The following CAMSAP2 variants were observed in gnomAD, a reference collection of about 807,000 sequenced individuals.
CAMSAP2 encodes the protein calmodulin-regulated spectrin-associated protein 2.
CAMSAP2 carries 26 observed loss-of-function variants against 146.1 expected under a neutral mutation model. That is an observed-to-expected ratio of 0.18 (90% CI 0.13 to 0.25). The LOEUF (loss-of-function observed/expected upper bound fraction) is 0.25. CAMSAP2 is among the 10% of genes least tolerant of loss of function. The pLI, the probability that CAMSAP2 is intolerant of heterozygous loss-of-function variation, is 1.00. For synonymous variants in CAMSAP2, 499 were observed against 596.6 expected (o/e 0.84, Z 2.38); for missense variants, 1,381 against 1,759.3 (o/e 0.78, Z 3.85).
intron 6 of CAMSAP2, among the ~76,000 whole-genome samples, chr1:200,838,226 T>C (rs1667231530): frequency 6.6e-6 from 1 of 152,194 alleles, no homozygotes; most frequent in Non-Finnish European, 1.5e-5. Context: ...CCTTAAAATA[T>C]TAACTTATTT....
Position 200,815,656 on chromosome 1 carries a change from A to G in CAMSAP2, c.645+12A>G. On this transcript the variant is annotated intron_variant, in intron 4 of 16. Transcript: ENST00000358823. ...CAGGAGGTCAAAAGGTATTTATTTC[A>G]AAAACAAAAAGGTGCCTTTATGAGA... 6.7e-7 allele frequency: 1 copy of G among 1,488,250 alleles called. No homozygotes were observed. Among genetic ancestry groups the G allele is most frequent in the Non-Finnish European group, 9.1e-7 (1 of 1,100,618 alleles). 92.2% of individuals were successfully genotyped at this position (1,488,250 alleles called of 1,614,324 possible). A position where few individuals can be genotyped will look rare whatever the true frequency, so the allele number is the denominator to read the frequency against.
intron 11 of CAMSAP2, 53 bp from the exon 12 acceptor site, chr1:200,852,488 G>T (rs1222705722): frequency 1.3e-6 from 2 of 1,573,494 alleles, no homozygotes; most frequent in East Asian, 4.5e-5. Context: ...AATTGAAAAT[G>T]AGAATATTGG....
At chr1:200,800,646 G>A (rs905626360) in intron 2 of CAMSAP2, among the ~76,000 whole-genome samples, 4 of 152,046 alleles carry the variant, frequency 2.6e-5, no homozygotes, top group African/African-American at 4.8e-5. Flanking sequence ...TTTAACTGGG[G>A]CATTTAGCCC....
chr1:200,855,152 AAACATT>A (rs1281479372), intron 14 of CAMSAP2, among the ~76,000 whole-genome samples: 14 of 151,404 alleles, frequency 9.2e-5, no homozygotes, highest in Non-Finnish European at 1.9e-4. Context: ...ATAAGCTATG[AAACATT>A]AACAGTAATT....
intron 6 of CAMSAP2, among the ~76,000 whole-genome samples, chr1:200,833,140 T>G (rs1302701722): frequency 6.6e-6 from 1 of 152,220 alleles, no homozygotes; most frequent in Non-Finnish European, 1.5e-5. Context: ...AACTTTAAGC[T>G]TATAGATTAA....
At chr1:200,763,494 C>T (rs902741655) in intron 2 of CAMSAP2, among the ~76,000 whole-genome samples, 4 of 151,828 alleles carry the variant, frequency 2.6e-5, no homozygotes, top group Non-Finnish European at 4.4e-5. Flanking sequence ...AGCCGAGATT[C>T]CGCTACTGCA....
At position 200,848,358 on chromosome 1, in the gene CAMSAP2, T is replaced by C. The variant is rs762902322; in HGVS notation, c.1589T>C (p.Leu530Pro). ...PNGALQNRIL[L>P]DEFGNQIETP... ...GGAGCTTTACAAAATAGAATACTTC[T>C]TGACGAGTTTGGCAATCAGATCGAG... The change falls in exon 11 of 17, where the codon CTT becomes CCT. Residue 530 changes from leucine to proline, a missense_variant. By Grantham distance (98) the Leu-to-Pro change is moderately conservative. Around this residue, in one of 4 missense-constraint regions of CAMSAP2, gnomAD observed 447 missense variants for 462.2 expected, o/e 0.97. Transcript: ENST00000358823. 5.3e-5 allele frequency: 86 copies of C among 1,613,886 alleles called. 1 individual carries two copies. Among genetic ancestry groups the C allele is most frequent in the Non-Finnish European group, 7.0e-5 (83 of 1,179,962 alleles).
chr1:200,860,691 A>G lies in CAMSAP2; in HGVS notation c.*2632A>G, dbSNP rs920793667. 1 of 152,360 alleles carries G rather than the reference A, an allele frequency of 6.6e-6. No homozygotes were observed. The highest frequency in any genetic ancestry group is 2.4e-5 in the African/African-American group (1 of 41,456). The allele number at this position is 152,360 out of a possible 1,614,324, so 9.4% of individuals were successfully genotyped here. A position where few individuals can be genotyped will look rare whatever the true frequency, so the allele number is the denominator to read the frequency against. On this transcript the variant is annotated 3_prime_UTR_variant, in exon 17 of 17. Coordinates refer to ENST00000358823, the MANE Select transcript of CAMSAP2 (RefSeq NM_203459.4). The stretch of plus-strand genomic sequence containing the variant: ...GTTTTTCCCCTTTCATTTGAATAAA[A>G]GCATGGCACCAAATGACTCCTTTTC...
At chr1:200,784,632 C>T (rs532966446) in intron 2 of CAMSAP2, among the ~76,000 whole-genome samples, 1 of 151,868 alleles carries the variant, frequency 6.6e-6, no homozygotes, top group Non-Finnish European at 1.5e-5. Context: ...TACATTTATT[C>T]CTAGTATGTT....
At chr1:200,778,104 T>C (rs1665331642) in intron 2 of CAMSAP2, among the ~76,000 whole-genome samples, 1 of 152,190 alleles carries the variant, frequency 6.6e-6, no homozygotes, top group Non-Finnish European at 1.5e-5. Flanking sequence ...AAAACAATTT[T>C]ATATAGAATC....
In CAMSAP2 at chr1:200,859,824, G is replaced by A. The variant is rs192335434; in HGVS notation, c.*1765G>A. On this transcript the variant is annotated 3_prime_UTR_variant, in exon 17 of 17. Coordinates refer to ENST00000358823, the MANE Select transcript of CAMSAP2 (RefSeq NM_203459.4). ...AGAAGGAAATGATAGTCAAATACACGTTTAGATTAAAACTAGTTTAAAAAA... is the reference window on the plus strand; with the variant it reads ...AGAAGGAAATGATAGTCAAATACACATTTAGATTAAAACTAGTTTAAAAAA... 7.9e-5 allele frequency: 12 copies of A among 152,250 alleles called. No individual in the cohort carries two copies. The highest frequency in any genetic ancestry group is 1.9e-4 in the East Asian group (1 of 5,282). 9.4% of individuals were successfully genotyped at this position (152,250 alleles called of 1,614,324 possible). A position where few individuals can be genotyped will look rare whatever the true frequency, so the allele number is the denominator to read the frequency against.
At chr1:200,840,303 G>C (rs1667291007) in intron 6 of CAMSAP2, among the ~76,000 whole-genome samples, 1 of 150,856 alleles carries the variant, frequency 6.6e-6, no homozygotes, top group Non-Finnish European at 1.5e-5. Context: ...TTTTTTTTTA[G>C]AGACAGGGTC....
intron 3 of CAMSAP2, among the ~76,000 whole-genome samples, chr1:200,809,718 G>A (rs567480138): frequency 5.3e-5 from 8 of 152,252 alleles, no homozygotes; most frequent in Admixed American, 1.3e-4. Flanking sequence ...GTGACAGAGC[G>A]AGATCCTCTC....
At chr1:200,806,497 G>C (rs1666172992) in intron 2 of CAMSAP2, among the ~76,000 whole-genome samples, 2 of 152,144 alleles carry the variant, frequency 1.3e-5, no homozygotes, top group Admixed American at 6.5e-5. Context: ...TTTCTAGAGA[G>C]TAGATTAATG....
chr1:200,830,048 C>G (rs1667003077), intron 4 of CAMSAP2, among the ~76,000 whole-genome samples: 1 of 152,134 alleles, frequency 6.6e-6, no homozygotes, highest in East Asian at 1.9e-4. Flanking sequence ...TGCCAAACTT[C>G]TTAGTTTGCA....
At chr1:200,845,728 T>TGCAA (rs1177920758) in intron 8 of CAMSAP2, among the ~76,000 whole-genome samples, 3 of 152,094 alleles carry the variant, frequency 2.0e-5, no homozygotes, top group Non-Finnish European at 4.4e-5. Context: ...AATTTCAAGG[T>TGCAA]GCAACAGTTA....
At chr1:200,767,582 A>G (rs189716214) in intron 2 of CAMSAP2, among the ~76,000 whole-genome samples, 1 of 151,450 alleles carries the variant, frequency 6.6e-6, no homozygotes, top group African/African-American at 2.4e-5. Flanking sequence ...TTACTTGTGT[A>G]GAGGCTTGTT....
intron 6 of CAMSAP2, among the ~76,000 whole-genome samples, chr1:200,835,173 G>C (rs2102223147): frequency 6.6e-6 from 1 of 152,174 alleles, no homozygotes; most frequent in Non-Finnish European, 1.5e-5. Flanking sequence ...AGCTACTCTA[G>C]GTTACCAAGT....
chr1:200,788,045 G>A (rs1208161882), intron 2 of CAMSAP2, among the ~76,000 whole-genome samples: 1 of 152,132 alleles, frequency 6.6e-6, no homozygotes, highest in Non-Finnish European at 1.5e-5. Context: ...GTGTGACCCG[G>A]TTTATTATGC....
Sources: gnomAD v4.1 joint callset for allele counts (sites outside exome capture counted in the v4.1 genomes callset) on GRCh38, gnomAD v4.1.1 for gene constraint, gnomAD v4.1.1 regional missense constraint, MANE v1.5 for transcripts, NCBI Gene and HGNC (gene_info 2026-07-23, HGNC 2026-07-21) for gene names.